The following PSD3 variants were observed in gnomAD, a reference collection of about 807,000 sequenced individuals.
PSD3 encodes the protein pleckstrin and Sec7 domain containing 3.
PSD3 carries 49 observed loss-of-function variants against 105.5 expected under a neutral mutation model. The ratio of observed to expected loss-of-function variants is 0.46; its 90% CI spans 0.37 to 0.59. The LOEUF is 0.59. PSD3 is among the 20% of genes least tolerant of loss of function. The pLI, the probability that PSD3 is intolerant of heterozygous loss-of-function variation, is 0.00. For synonymous variants in PSD3, 557 were observed against 457.8 expected, an observed-to-expected ratio of 1.22 and a Z score of -2.77; for missense variants, 1,561 against 1,263.8, an observed-to-expected ratio of 1.24 and a Z score of -3.57.
At chr8:18,810,936 A>G (rs982779054) in intron 4 of PSD3, among the ~76,000 whole-genome samples, 2 of 152,248 alleles carry the variant, frequency 1.3e-5, no homozygotes, top group Non-Finnish European at 2.9e-5. Context: ...TCAGCAAAAA[A>G]TAAGTAAAAC....
chr8:18,655,721 C>G (rs2130853340), intron 9 of PSD3, 36 bp from the exon 10 acceptor site: 2 of 1,582,568 alleles, frequency 1.3e-6, no homozygotes, highest in East Asian at 2.2e-5. Flanking sequence ...ATTATTCTTT[C>G]CATTCTGTTC....
chr8:18,976,164 A>T (rs1434645561), intron 1 of PSD3, among the ~76,000 whole-genome samples: 1 of 148,514 alleles, frequency 6.7e-6, no homozygotes, highest in Admixed American at 6.8e-5. Context: ...AGACATTTGC[A>T]ATGCATAGGA....
At chr8:18,963,741 T>C (rs75123216) in intron 1 of PSD3, among the ~76,000 whole-genome samples, 2,549 of 152,302 alleles carry the variant, frequency 0.017, 34 homozygotes, top group Non-Finnish European at 0.027. Flanking sequence ...CCAAATTTAA[T>C]GAAATAGCAA....
intron 1 of PSD3, among the ~76,000 whole-genome samples, chr8:19,023,503 A>T (rs987679143): frequency 2.6e-5 from 4 of 151,924 alleles, no homozygotes; most frequent in African/African-American, 9.7e-5. Flanking sequence ...GTCATAGATC[A>T]CTGCAGCCTT....
chr8:19,036,414 G>C (rs1827945279), intron 1 of PSD3, among the ~76,000 whole-genome samples: 1 of 152,020 alleles, frequency 6.6e-6, no homozygotes, highest in Non-Finnish European at 1.5e-5. Flanking sequence ...TCCTGTCATT[G>C]ACCTCTCAAG....
At chr8:18,971,564 C>G (rs1824653572) in intron 1 of PSD3, among the ~76,000 whole-genome samples, 1 of 152,274 alleles carries the variant, frequency 6.6e-6, no homozygotes, top group South Asian at 2.1e-4. Flanking sequence ...GGCTGCAGCC[C>G]CCGGGCTTCA....
At chr8:18,576,506 A>G (rs555938187) in intron 12 of PSD3, among the ~76,000 whole-genome samples, 2 of 152,260 alleles carry the variant, frequency 1.3e-5, no homozygotes, top group African/African-American at 4.8e-5. Context: ...ATAAAACTAT[A>G]ATCTAGTTAT....
intron 9 of PSD3, among the ~76,000 whole-genome samples, chr8:18,761,326 T>G (rs1362886558): frequency 6.6e-6 from 1 of 152,194 alleles, no homozygotes; most frequent in African/African-American, 2.4e-5. Context: ...CTAATCTCAC[T>G]CGCCTCTAAA....
chr8:18,958,302 AG>A (rs1823705480), intron 1 of PSD3, among the ~76,000 whole-genome samples: 1 of 152,176 alleles, frequency 6.6e-6, no homozygotes, highest in South Asian at 2.1e-4. Flanking sequence ...CTGTTAACAG[AG>A]ATTGTCTTAG....
intron 8 of PSD3, among the ~76,000 whole-genome samples, chr8:18,792,175 G>A (rs1809784808): frequency 6.6e-6 from 1 of 152,106 alleles, no homozygotes; most frequent in Admixed American, 6.5e-5. Context: ...CAAAGACCTA[G>A]AACCAGAAAT....
At chr8:18,688,722 A>G (rs1484052799) in intron 9 of PSD3, among the ~76,000 whole-genome samples, 1 of 152,204 alleles carries the variant, frequency 6.6e-6, no homozygotes, top group Admixed American at 6.5e-5. Context: ...GTTCACAACT[A>G]GATTCAATAT....
intron 14 of PSD3, among the ~76,000 whole-genome samples, chr8:18,565,730 G>A (rs528819866): frequency 1.3e-5 from 2 of 152,146 alleles, no homozygotes; most frequent in East Asian, 1.9e-4. Flanking sequence ...CAGGTTGTGG[G>A]AGTATGGGGA....
At chr8:18,906,727 T>C (rs1181575685) in intron 2 of PSD3, among the ~76,000 whole-genome samples, 2 of 152,058 alleles carry the variant, frequency 1.3e-5, no homozygotes, top group Non-Finnish European at 2.9e-5. Context: ...GATTTAGAAA[T>C]AAAAACAAGT....
At chr8:18,897,967 G>GA (rs1004502991) in intron 2 of PSD3, among the ~76,000 whole-genome samples, 2 of 151,726 alleles carry the variant, frequency 1.3e-5, no homozygotes, top group Non-Finnish European at 2.9e-5. Context: ...TAGTACTCCT[G>GA]AAAAAAAATG....
At chr8:18,888,380 G>A (rs543121629) in intron 2 of PSD3, among the ~76,000 whole-genome samples, 3 of 152,022 alleles carry the variant, frequency 2.0e-5, no homozygotes, top group Middle Eastern at 3.4e-3. Flanking sequence ...GTATAACCAC[G>A]TGGTTAAAGC....
At chr8:18,757,808 T>C (rs947783552) in intron 9 of PSD3, among the ~76,000 whole-genome samples, 8 of 152,210 alleles carry the variant, frequency 5.3e-5, no homozygotes, top group African/African-American at 1.9e-4. Flanking sequence ...ACAATTCCCA[T>C]TGTCTTTTTC....
intron 11 of PSD3, among the ~76,000 whole-genome samples, chr8:18,601,788 T>A (rs541921497): frequency 1.1e-4 from 16 of 152,318 alleles, no homozygotes; most frequent in Admixed American, 8.5e-4. Context: ...ATTCACTACA[T>A]TGTTCAATAG....
chr8:18,566,076 G>C, intron 14 of PSD3, among the ~76,000 whole-genome samples: 1 of 152,138 alleles, frequency 6.6e-6, no homozygotes, highest in South Asian at 2.1e-4. Flanking sequence ...GGATTTGCTG[G>C]AGGCACACTA....
At chr8:18,895,496 C>T (rs564267443) in intron 2 of PSD3, among the ~76,000 whole-genome samples, 32 of 152,300 alleles carry the variant, frequency 2.1e-4, no homozygotes, top group South Asian at 1.0e-3. Context: ...GCATACAATT[C>T]GTTTTGGAAT....
Sources: gnomAD v4.1 joint callset for allele counts (sites outside exome capture counted in the v4.1 genomes callset) on GRCh38, gnomAD v4.1.1 for gene constraint, MANE v1.5 for transcripts, NCBI Gene and HGNC (gene_info 2026-07-23, HGNC 2026-07-21) for gene names.